NOS1: variants seen among roughly 807,000 people sequenced by gnomAD.
NOS1 encodes NOS type I.
NOS1 carries 51 observed loss-of-function variants against 164.5 expected under a neutral mutation model. The observed-to-expected ratio is 0.31, with a 90% confidence interval of 0.25 to 0.39. NOS1 has a LOEUF of 0.39. NOS1 is among the 10% of genes least tolerant of loss of function. The pLI, the probability that NOS1 is intolerant of heterozygous loss-of-function variation, is 1.00. For missense variants in NOS1, 1,362 were observed against 1,885.6 expected (o/e 0.72, Z 5.14); for synonymous variants, 719 against 745.8 (o/e 0.96, Z 0.59).
At position 117,311,719 on chromosome 12, in the gene NOS1, C is replaced by T. The variant is rs539218247; in HGVS notation, c.726-127G>A. 76 of 1,035,140 alleles carry T rather than the reference C, an allele frequency of 7.3e-5. 1 individual carries two copies. Among genetic ancestry groups the T allele is most frequent in the Middle Eastern group, 3.3e-4 (1 of 2,996 alleles). 64.1% of individuals were successfully genotyped at this position (1,035,140 alleles called of 1,614,324 possible). ...ACTCACATAACTCCATATGAGCCAG[C>T]GAGCTTTGGGTACCCATCCTGCTGC... On this transcript the variant is annotated intron_variant, in intron 2 of 28. Coordinates refer to ENST00000317775, the MANE Select transcript of NOS1 (RefSeq NM_000620.5).
chr12:117,287,367 GT>G (rs56127352), intron 5 of NOS1, among the ~76,000 whole-genome samples: 152,338 of 152,338 alleles, frequency 1, 76,169 homozygotes, highest in Non-Finnish European at 1. Flanking sequence ...TTTTACAGTT[GT>G]TATAGTATTC....
chr12:117,256,284 G>GTTGTGTTTTTTTTTTTTTTTTT (rs549611283), intron 16 of NOS1, among the ~76,000 whole-genome samples: 2 of 118,488 alleles, frequency 1.7e-5, no homozygotes, highest in African/African-American at 7.7e-5. Flanking sequence ...GGGATTTTCT[G>GTTGTGTTTTTTTTTTTTTTTTT]TTTTTTTTTT....
chr12:117,219,985 C>A, intron 27 of NOS1, 90 bp downstream of exon 27: 1 of 1,272,838 alleles, frequency 7.9e-7, no homozygotes, highest in Non-Finnish European at 1.1e-6. Context: ...CATCGTGGCT[C>A]CCCTAATCAT....
At chr12:117,311,324 C>T (rs1874420163) in intron 3 of NOS1, 142 bp downstream of exon 3, 2 of 950,140 alleles carry the variant, frequency 2.1e-6, no homozygotes. Context: ...CTGACCTCGG[C>T]CTCCCAAGCT....
At chr12:117,295,320 A>G (rs1873335661) in intron 3 of NOS1, among the ~76,000 whole-genome samples, 1 of 152,224 alleles carries the variant, frequency 6.6e-6, no homozygotes, top group East Asian at 1.9e-4. Flanking sequence ...AAAGGAGAAT[A>G]TTTTGTGACA....
intron 1 of NOS1, among the ~76,000 whole-genome samples, chr12:117,338,318 T>C (rs1483148195): frequency 1.3e-5 from 2 of 151,638 alleles, no homozygotes; most frequent in East Asian, 1.9e-4. Flanking sequence ...GGAGGATCAA[T>C]TGAGCCTGGG....
intron 20 of NOS1, 48 bp downstream of exon 20, chr12:117,242,579 G>T: frequency 6.8e-7 from 1 of 1,466,398 alleles, no homozygotes; most frequent in South Asian, 1.1e-5. Flanking sequence ...ATCGTGGGTG[G>T]CATTTGGGAG....
intron 3 of NOS1, among the ~76,000 whole-genome samples, chr12:117,307,572 G>T (rs1019902840): frequency 5.3e-5 from 8 of 152,028 alleles, no homozygotes; most frequent in Non-Finnish European, 1.2e-4. Context: ...TTGCTATGTT[G>T]CCCAGGCTGG....
rs775047004 is a variant in NOS1, at chr12:117,280,884, G to C, written c.1383-18C>G. ...TGGCAGACCTGTGGTGGAGAGAGGG[G>C]AACACCCGGCATCAGGGCGGGACTT... On this transcript the variant is annotated intron_variant, in intron 7 of 28. Coordinates refer to ENST00000317775, the MANE Select transcript of NOS1 (RefSeq NM_000620.5). 7.4e-6 allele frequency: 12 copies of C among 1,612,140 alleles called. No individual in the cohort carries two copies. The Admixed American group carries it at 8.3e-5, about 11-fold the overall frequency.
chr12:117,282,300 C>T (rs947794038), intron 7 of NOS1, among the ~76,000 whole-genome samples: 4 of 152,184 alleles, frequency 2.6e-5, no homozygotes, highest in South Asian at 4.2e-4. Flanking sequence ...CAGCTGGATT[C>T]GCTGGCCCCC....
At position 117,212,947 on chromosome 12, in the gene NOS1, G is replaced by A; in HGVS notation, c.*2362C>T. On this transcript the variant is annotated 3_prime_UTR_variant, in exon 29 of 29. Coordinates refer to ENST00000317775, the MANE Select transcript of NOS1 (RefSeq NM_000620.5). ...GGAGTTGTGAAGCAGCTTGTGTTGG[G>A]GATTGAAAGGTGTTTACTTAAAAAA... 1 of 985,248 alleles carries A rather than the reference G, an allele frequency of 1.0e-6. No individual in the cohort carries two copies. Among genetic ancestry groups the A allele is most frequent in the Non-Finnish European group, 1.2e-6 (1 of 829,920 alleles). 61.0% of individuals were successfully genotyped at this position (985,248 alleles called of 1,614,324 possible). A position where few individuals can be genotyped will look rare whatever the true frequency, so the allele number is the denominator to read the frequency against.
Position 117,213,804 on chromosome 12 carries a change from TC to T in NOS1, c.*1504del. 1 of 985,408 alleles carries T rather than the reference TC, an allele frequency of 1.0e-6. No homozygotes were observed. The highest frequency in any genetic ancestry group is 1.7e-5 in the African/African-American group (1 of 57,340). The allele number at this position is 985,408 out of a possible 1,614,324, so 61.0% of individuals were successfully genotyped here. On this transcript the variant is annotated 3_prime_UTR_variant, in exon 29 of 29. Transcript: ENST00000317775. ...AGGCCACTAGGATTTCTTGTCTCTT[TC>T]TGGGAACTGCCTGACACTAATTTGT...
At chr12:117,223,855 T>C (rs550676573) in intron 25 of NOS1, among the ~76,000 whole-genome samples, 1 of 152,324 alleles carries the variant, frequency 6.6e-6, no homozygotes, top group South Asian at 2.1e-4. Flanking sequence ...GGTTTCACCA[T>C]GTTGGACAGG....
chr12:117,210,839 C>T lies in NOS1; in HGVS notation c.*4470G>A, dbSNP rs1956515837. ...ATGGCTGGACTTGGGAAGGATTCAC[C>T]CTGTTGACTCCAGAGAAGCTGACTA... On this transcript the variant is annotated 3_prime_UTR_variant, in exon 29 of 29. Coordinates refer to ENST00000317775, the MANE Select transcript of NOS1 (RefSeq NM_000620.5). 2.0e-6 allele frequency: 2 copies of T among 985,308 alleles called. No individual in the cohort carries two copies. The highest frequency in any genetic ancestry group is 4.7e-5 in the South Asian group (1 of 21,282). The allele number at this position is 985,308 out of a possible 1,614,324, so 61.0% of individuals were successfully genotyped here.
At chr12:117,311,426 C>T (rs749141565) in intron 3 of NOS1, 40 bp downstream of exon 3, 179 of 1,557,896 alleles carry the variant, frequency 1.1e-4, no homozygotes, top group Non-Finnish European at 1.0e-4. Flanking sequence ...GTCGAGAAGG[C>T]GTGGGAAGCA....
At chr12:117,334,426 T>C (rs1875702950) in intron 1 of NOS1, among the ~76,000 whole-genome samples, 1 of 152,076 alleles carries the variant, frequency 6.6e-6, no homozygotes, top group African/African-American at 2.4e-5. Context: ...AGACAGAGTC[T>C]CACTCTGTCG....
intron 1 of NOS1, among the ~76,000 whole-genome samples, chr12:117,358,297 C>A (rs1457084753): frequency 6.6e-6 from 1 of 152,170 alleles, no homozygotes; most frequent in African/African-American, 2.4e-5. Flanking sequence ...TCACAGAGAC[C>A]CACTGGGAGC....
chr12:117,243,434 G>T lies in NOS1; in HGVS notation c.2825C>A (p.Ala942Glu), dbSNP rs199681806. 1.6e-5 allele frequency: 26 copies of T among 1,613,852 alleles called. No individual in the cohort carries two copies. Among genetic ancestry groups the T allele is most frequent in the Non-Finnish European group, 2.2e-5 (26 of 1,179,964 alleles). The change falls in exon 19 of 29, where the codon GCA (alanine) becomes GAA (glutamate). Residue 942 changes from alanine (A) to glutamate (E), a missense_variant and splice_region_variant. Around this residue, in one of 4 missense-constraint regions of NOS1, gnomAD observed 737 missense variants for 1,030.3 expected, o/e 0.72. Transcript: ENST00000317775. This position sits in a 1 kb window ranked among gnomAD's most constrained non-coding sequence, Gnocchi z 4.3. ...FRTWAKKVFK[A>E]ACDVFCVGDD... ...TCCCACACAGAAGACATCACAGGCT[G>T]CCTGTGGTGTACACAAGGCTTTCAG...
chr12:117,332,937 G>C (rs1395593114), intron 1 of NOS1, among the ~76,000 whole-genome samples: 1 of 152,168 alleles, frequency 6.6e-6, no homozygotes, highest in Non-Finnish European at 1.5e-5. Context: ...CTGAAATGCT[G>C]GAATCTTGCA....
Sources: gnomAD v4.1 joint callset for allele counts (sites outside exome capture counted in the v4.1 genomes callset) on GRCh38, gnomAD v4.1.1 for gene constraint, gnomAD v4.1.1 regional missense constraint, Gnocchi (gnomAD v3.1) non-coding constraint, MANE v1.5 for transcripts, NCBI Gene and HGNC (gene_info 2026-07-23, HGNC 2026-07-21) for gene names.